Variants in SPTB observed in about 807,000 individuals in gnomAD.
SPTB encodes spectrin beta, erythrocytic, also known as spectrin beta chain, erythrocytic.
A neutral mutation model predicts 256.2 loss-of-function variants in SPTB; 45 were observed. The observed-to-expected ratio is 0.18, with a 90% CI of 0.14 to 0.23. The LOEUF is 0.23. Ranked by LOEUF, SPTB falls within the 10% of genes least tolerant of loss-of-function variation. The pLI is 1.00. For missense variants in SPTB, 2,715 were observed against 3,040.4 expected, an observed-to-expected ratio of 0.89 and a Z score of 2.52; for synonymous variants, 1,231 against 1,243.1, an observed-to-expected ratio of 0.99 and a Z score of 0.21.
chr14:64,861,930 G>A (rs1482791921), intron 1 of SPTB, among the ~76,000 whole-genome samples: 1 of 152,082 alleles, frequency 6.6e-6, no homozygotes, highest in Non-Finnish European at 1.5e-5. Flanking sequence ...TCATTGTGCT[G>A]TGATATCACA....
rs368004724 is a variant in SPTB at position 64,775,085 on chromosome 14, T to C, written c.4842+40A>G. On this transcript the variant is annotated intron_variant, in intron 23 of 35. Transcript: ENST00000644917. The surrounding 1 kb of genome is among the most constrained non-coding windows in gnomAD (Gnocchi z 5.0). Reference sequence around the variant, plus strand: ...ACAGCCAACCTCAACTCTTCCTCTCTGCCTGGGCACCCTGGCTGGTATCCC... The same window carrying C: ...ACAGCCAACCTCAACTCTTCCTCTCCGCCTGGGCACCCTGGCTGGTATCCC... 72 of 1,613,458 alleles carry C rather than the reference T, an allele frequency of 4.5e-5. No homozygotes were observed. Among genetic ancestry groups the C allele is most frequent in the Non-Finnish European group, 5.5e-5 (65 of 1,180,000 alleles).
chr14:64,753,900 G>GC, intron 32 of SPTB, 107 bp from the exon 33 acceptor site: 2 of 1,462,762 alleles, frequency 1.4e-6, no homozygotes, highest in Admixed American at 3.7e-5. Flanking sequence ...ACACCCCCAA[G>GC]CCTACTTCCT....
At chr14:64,848,413 G>A (rs2083727720) in intron 1 of SPTB, among the ~76,000 whole-genome samples, 1 of 152,078 alleles carries the variant, frequency 6.6e-6, no homozygotes, top group Non-Finnish European at 1.5e-5. Context: ...CTGGCCAGAT[G>A]TTCTGAGAGG....
At position 64,786,864 on chromosome 14, in the gene SPTB, T is replaced by C. The variant is rs1213126107; in HGVS notation, c.3101A>G (p.Gln1034Arg). The C allele has an allele frequency of 1.2e-6, 2 of 1,613,282 alleles. No individual in the cohort carries two copies. The highest frequency in any genetic ancestry group is 4.5e-5 in the East Asian group (2 of 44,874). ...SHPEQKEDIG[Q>R]RQKHLEELWQ... ...CAGCTCCTCCAAGTGTTTTTGCCGC[T>C]GACCAATATCCTCCTTCTGCTCAGG... The change falls in exon 16 of 36, where the codon CAG becomes CGG. Residue 1034 changes from glutamine (Q) to arginine (R), a missense_variant. By Grantham distance (43) the Gln-to-Arg change is conservative (BLOSUM62 1). Transcript: ENST00000644917. This position sits in a 1 kb window ranked among gnomAD's most constrained non-coding sequence, Gnocchi z 5.6.
intron 23 of SPTB, 30 bp from the exon 24 acceptor site, chr14:64,774,557 G>A: frequency 6.4e-7 from 1 of 1,551,524 alleles, no homozygotes; most frequent in Non-Finnish European, 8.7e-7. Context: ...CAGCGCCAGA[G>A]CTCAGTCTGG....
chr14:64,759,781 C>T lies in SPTB; in HGVS notation c.6346-5988G>A, dbSNP rs565325384. Reference sequence around the variant, plus strand: ...TGTACCACTGAGGGCTGCCACCCACCGGAGCAGGGGACACTCTGAAGGAAG... The same window carrying T: ...TGTACCACTGAGGGCTGCCACCCACTGGAGCAGGGGACACTCTGAAGGAAG... On this transcript the variant is annotated intron_variant, in intron 32 of 35. Coordinates refer to ENST00000644917, the MANE Select transcript of SPTB (RefSeq NM_001355436.2). The surrounding 1 kb of genome is among the most constrained non-coding windows in gnomAD (Gnocchi z 4.8). Among the ~76,000 whole-genome samples the T allele has an allele frequency of 8.5e-5, 13 of 152,314 alleles. No homozygotes were observed. Among genetic ancestry groups the T allele is most frequent in the East Asian group, 1.9e-4 (1 of 5,182 alleles).
intron 32 of SPTB, chr14:64,756,184 A>G (rs902157928): frequency 4.6e-5 from 7 of 152,226 alleles, no homozygotes; most frequent in African/African-American, 1.7e-4. Flanking sequence ...CTCATCTTTC[A>G]GAGTGTATTG....
chr14:64,820,083 C>A (rs1475470561), intron 2 of SPTB, among the ~76,000 whole-genome samples: 2 of 152,180 alleles, frequency 1.3e-5, no homozygotes, highest in Non-Finnish European at 2.9e-5. Context: ...CCAGGCCAGT[C>A]TCCCCAACCT....
rs887928729 is a variant in SPTB at position 64,873,371 on chromosome 14, A to T, written c.-52+6421T>A. Among the ~76,000 whole-genome samples the T allele has an allele frequency of 9.9e-5, 15 of 152,190 alleles. No homozygotes were observed. ...AATATTTGTTGAAGACTGACATACA[A>T]ATCAAGGCCCTCAAGATCACTGGAC... On this transcript the variant is annotated intron_variant, in intron 1 of 35. Transcript: ENST00000644917. This position sits in a 1 kb window ranked among gnomAD's most constrained non-coding sequence, Gnocchi z 4.3.
chr14:64,761,088 C>T (rs528079561), intron 32 of SPTB, among the ~76,000 whole-genome samples: 2 of 152,316 alleles, frequency 1.3e-5, no homozygotes, highest in South Asian at 4.1e-4. Context: ...TGCTAGATGC[C>T]TTAGGCAACC....
At position 64,790,225 on chromosome 14, in the gene SPTB, T is replaced by A. The variant is rs529870245; in HGVS notation, c.2804+1494A>T. Among the ~76,000 whole-genome samples the A allele has an allele frequency of 2.6e-5, 4 of 152,164 alleles. No individual in the cohort carries two copies. Among genetic ancestry groups the A allele is most frequent in the South Asian group, 4.1e-4 (2 of 4,824 alleles). On this transcript the variant is annotated intron_variant, in intron 15 of 35. Coordinates refer to ENST00000644917, the MANE Select transcript of SPTB (RefSeq NM_001355436.2). The surrounding 1 kb of genome is among the most constrained non-coding windows in gnomAD (Gnocchi z 4.8). ...TTTAATTTCATGCCTCGGGTTTTTT[T>A]CTCACTTAAGGATGGCAGGTACCTT...
chr14:64,753,897 C>G, intron 32 of SPTB, 104 bp from the exon 33 acceptor site: 1 of 1,476,156 alleles, frequency 6.8e-7, no homozygotes, highest in Non-Finnish European at 9.3e-7. Flanking sequence ...TCCACACCCC[C>G]AAGCCTACTT....
Position 64,879,734 on chromosome 14 carries a change from C to G in SPTB, c.-52+58G>C, listed in dbSNP as rs1049787549. ...GCTCCTTTGAGCTGGCGCCGCGCGT[C>G]CCAGCCTTGCGCACCCGCACCCAGC... On this transcript the variant is annotated intron_variant, in intron 1 of 35. Transcript: ENST00000644917. 3 of 152,820 alleles carry G rather than the reference C, an allele frequency of 2.0e-5. No individual in the cohort carries two copies. In the East Asian group the frequency reaches 5.8e-4, roughly 29 times the overall value. 9.5% of individuals were successfully genotyped at this position (152,820 alleles called of 1,614,324 possible). A position where few individuals can be genotyped will look rare whatever the true frequency, so the allele number is the denominator to read the frequency against.
rs377323027 is a variant in SPTB at position 64,748,935 on chromosome 14, TC to T, written c.*370del. ...AAGAACCCCATCAGCCTTCTCCAGC[TC>T]TTTTTTTTTTTTTTTTTTGGTTGGG... On this transcript the variant is annotated 3_prime_UTR_variant, in exon 36 of 36. Transcript: ENST00000644917. 6.9e-4 allele frequency: 82 copies of T among 119,032 alleles called. No homozygotes were observed. The highest frequency in any genetic ancestry group is 1.5e-3 in the African/African-American group (28 of 19,218). The allele number at this position is 119,032 out of a possible 1,614,324, so 7.4% of individuals were successfully genotyped here. A position where few individuals can be genotyped will look rare whatever the true frequency, so the allele number is the denominator to read the frequency against.
intron 33 of SPTB, among the ~76,000 whole-genome samples, chr14:64,751,040 C>A (rs1304867906): frequency 7.0e-6 from 1 of 142,462 alleles, no homozygotes. Context: ...ATATATGTAG[C>A]AATTATATAT....
chr14:64,799,841 C>A lies in SPTB; in HGVS notation c.970G>T (p.Val324Phe). The A allele has an allele frequency of 1.2e-6, 2 of 1,614,242 alleles. No homozygotes were observed. The highest frequency in any genetic ancestry group is 1.7e-6 in the Non-Finnish European group (2 of 1,180,042). ...LLTWIEQTIT[V>F]LNSRKFANSL... The stretch of plus-strand genomic sequence containing the variant: ...TTGGCAAACTTGCGGCTGTTCAGGA[C>A]AGTGATGGTCTGCTCGATCCAGGTG... The change falls in exon 9 of 36, where the codon GTC (valine) becomes TTC (phenylalanine). Residue 324 changes from valine (V) to phenylalanine (F), a missense_variant. Val to Phe is a conservative substitution (Grantham distance 50). Around this residue, in one of 4 missense-constraint regions of SPTB, gnomAD observed 416 missense variants for 571.1 expected, o/e 0.73. Coordinates refer to ENST00000644917, the MANE Select transcript of SPTB (RefSeq NM_001355436.2).
rs915894473 is a variant in SPTB at position 64,760,147 on chromosome 14, T to C, written c.6346-6354A>G. Among the ~76,000 whole-genome samples, 3 of 152,078 alleles carry C rather than the reference T, an allele frequency of 2.0e-5. No homozygotes were observed. Among genetic ancestry groups the C allele is most frequent in the African/African-American group, 7.2e-5 (3 of 41,388 alleles). ...GCTCCCAATGGGTGCGGGATGGCCA[T>C]CTCTGGGTCTTTGCAGTCTTGCAAA... On this transcript the variant is annotated intron_variant, in intron 32 of 35. Coordinates refer to ENST00000644917, the MANE Select transcript of SPTB (RefSeq NM_001355436.2). This position sits in a 1 kb window ranked among gnomAD's most constrained non-coding sequence, Gnocchi z 4.3.
intron 33 of SPTB, among the ~76,000 whole-genome samples, chr14:64,752,974 A>C (rs542784352): frequency 6.6e-6 from 1 of 152,154 alleles, no homozygotes; most frequent in African/African-American, 2.4e-5. Context: ...CCTTTGAGTC[A>C]GTTCTCGGGG....
intron 1 of SPTB, among the ~76,000 whole-genome samples, chr14:64,849,265 C>T (rs960316039): frequency 8.5e-5 from 13 of 152,282 alleles, no homozygotes; most frequent in Admixed American, 6.5e-4. Flanking sequence ...CAAGAAACCA[C>T]GGACCTGAAA....
Sources: gnomAD v4.1 joint callset for allele counts (sites outside exome capture counted in the v4.1 genomes callset) on GRCh38, gnomAD v4.1.1 for gene constraint, gnomAD v4.1.1 regional missense constraint, Gnocchi (gnomAD v3.1) non-coding constraint, MANE v1.5 for transcripts, NCBI Gene and HGNC (gene_info 2026-07-23, HGNC 2026-07-21) for gene names.